Variants in PSD3 observed in about 807,000 individuals in gnomAD.
PSD3 encodes the protein pleckstrin and Sec7 domain containing 3.
PSD3 carries 49 observed loss-of-function variants against 105.5 expected under a neutral mutation model. The ratio of observed to expected loss-of-function variants is 0.46; its 90% CI spans 0.37 to 0.59. The LOEUF is 0.59. PSD3 is among the 20% of genes least tolerant of loss of function. PSD3 has a pLI of 0.00. For synonymous variants in PSD3, 557 were observed against 457.8 expected (o/e 1.22, Z -2.77); for missense variants, 1,561 against 1,263.8 (o/e 1.24, Z -3.57).
intron 9 of PSD3, among the ~76,000 whole-genome samples, chr8:18,705,250 A>G (rs1333169747): frequency 6.6e-6 from 1 of 152,218 alleles, no homozygotes; most frequent in African/African-American, 2.4e-5. Flanking sequence ...GGACTAGGCC[A>G]GGCGTGATGG....
intron 1 of PSD3, among the ~76,000 whole-genome samples, chr8:19,066,046 C>T (rs1018409574): frequency 1.3e-5 from 2 of 152,192 alleles, no homozygotes; most frequent in East Asian, 1.9e-4. Flanking sequence ...CACAGTAACA[C>T]AAAAACTCAC....
intron 1 of PSD3, among the ~76,000 whole-genome samples, chr8:18,984,800 G>A (rs551735828): frequency 2.0e-5 from 3 of 152,250 alleles, no homozygotes; most frequent in East Asian, 3.9e-4. Context: ...GGGGTAGTAC[G>A]GCCAAGCTGC....
chr8:18,679,856 G>T (rs938286028), intron 9 of PSD3, among the ~76,000 whole-genome samples: 2 of 152,126 alleles, frequency 1.3e-5, no homozygotes, highest in South Asian at 2.1e-4. Context: ...CTGAATAAAA[G>T]CTTTAAACGG....
At chr8:19,071,262 T>G (rs1330635397) in intron 1 of PSD3, among the ~76,000 whole-genome samples, 1 of 152,142 alleles carries the variant, frequency 6.6e-6, no homozygotes, top group Non-Finnish European at 1.5e-5. Flanking sequence ...GAGATGGGGT[T>G]TTGCCGTGTT....
chr8:18,685,332 C>CA (rs1800606685), intron 9 of PSD3, among the ~76,000 whole-genome samples: 1 of 152,104 alleles, frequency 6.6e-6, no homozygotes, highest in African/African-American at 2.4e-5. Flanking sequence ...CCTCTACTGT[C>CA]AACAGGCCCA....
intron 1 of PSD3, among the ~76,000 whole-genome samples, chr8:19,036,191 G>T (rs1412563922): frequency 1.3e-5 from 2 of 152,098 alleles, no homozygotes; most frequent in Non-Finnish European, 2.9e-5. Flanking sequence ...CACCCACCAG[G>T]AACTATTTTC....
At chr8:18,717,778 C>T (rs1802695702) in intron 9 of PSD3, among the ~76,000 whole-genome samples, 1 of 152,138 alleles carries the variant, frequency 6.6e-6, no homozygotes, top group Non-Finnish European at 1.5e-5. Flanking sequence ...TACAGCCTGC[C>T]TTGTAATTCT....
At position 18,531,960 on chromosome 8, in the gene PSD3, G is replaced by C. The variant is rs1327525738; in HGVS notation, c.*3783C>G. On this transcript the variant is annotated 3_prime_UTR_variant, in exon 16 of 16. Transcript: ENST00000327040. ...CAAACCTGCAAAGCTAAACTTCTGT[G>C]AATTCAGGATGCAACATGCTTAACT... The C allele has an allele frequency of 6.6e-6, 1 of 152,220 alleles. No individual in the cohort carries two copies. The highest frequency in any genetic ancestry group is 1.5e-5 in the Non-Finnish European group (1 of 68,046). The allele number at this position is 152,220 out of a possible 1,614,324, so 9.4% of individuals were successfully genotyped here. A position where few individuals can be genotyped will look rare whatever the true frequency, so the allele number is the denominator to read the frequency against.
chr8:18,872,229 C>T lies in PSD3; in HGVS notation c.635G>A (p.Ser212Asn). 2 of 1,614,178 alleles carry T rather than the reference C, an allele frequency of 1.2e-6. No individual in the cohort carries two copies. The highest frequency in any genetic ancestry group is 1.6e-4 in the Middle Eastern group (1 of 6,062). Reference sequence around the variant, plus strand: ...CAGCGCGGTGAGATCTTTCTGGATGCTCAAATAAAAACTTTCCTCCGTTGT... The same window carrying T: ...CAGCGCGGTGAGATCTTTCTGGATGTTCAAATAAAAACTTTCCTCCGTTGT... ...EVTTEESFYL[S>N]IQKDLTALLT... The change falls in exon 3 of 16, where the codon AGC (serine) becomes AAC (asparagine). Residue 212 changes from serine (S) to asparagine (N), a missense_variant. Coordinates refer to ENST00000327040, the MANE Select transcript of PSD3 (RefSeq NM_015310.4).
At chr8:18,581,420 G>C (rs1802809770) in intron 12 of PSD3, among the ~76,000 whole-genome samples, 5 of 152,104 alleles carry the variant, frequency 3.3e-5, no homozygotes, top group Admixed American at 2.6e-4. Context: ...ATAGGAGTGT[G>C]CTCTTACTTA....
At chr8:18,791,019 G>A (rs1438157092) in intron 8 of PSD3, among the ~76,000 whole-genome samples, 1 of 152,104 alleles carries the variant, frequency 6.6e-6, no homozygotes, top group Non-Finnish European at 1.5e-5. Flanking sequence ...GCTAACAAGG[G>A]AAATGAAGGA....
At chr8:18,793,587 A>G (rs1809950436) in intron 8 of PSD3, among the ~76,000 whole-genome samples, 1 of 152,330 alleles carries the variant, frequency 6.6e-6, no homozygotes, top group South Asian at 2.1e-4. Context: ...GAGGACTCCA[A>G]AGGAGAAGGC....
intron 8 of PSD3, among the ~76,000 whole-genome samples, chr8:18,769,402 G>A (rs973584716): frequency 3.3e-5 from 5 of 151,990 alleles, no homozygotes; most frequent in South Asian, 2.1e-4. Context: ...GTATAAAAAC[G>A]AAAATTTTTC....
At chr8:18,896,264 T>C (rs1239500241) in intron 2 of PSD3, among the ~76,000 whole-genome samples, 2 of 152,226 alleles carry the variant, frequency 1.3e-5, no homozygotes, top group Non-Finnish European at 2.9e-5. Context: ...TTGTGAATAG[T>C]ATTGCAATAA....
At chr8:18,871,046 C>T (rs1301522787) in intron 3 of PSD3, among the ~76,000 whole-genome samples, 1 of 152,152 alleles carries the variant, frequency 6.6e-6, no homozygotes, top group African/African-American at 2.4e-5. Flanking sequence ...CCGCAGTGAG[C>T]CGTGATCACA....
intron 1 of PSD3, among the ~76,000 whole-genome samples, chr8:18,990,067 C>G (rs1825708641): frequency 6.6e-6 from 1 of 152,212 alleles, no homozygotes; most frequent in African/African-American, 2.4e-5. Context: ...ATTTATCTTT[C>G]CACTTGTCTG....
intron 1 of PSD3, among the ~76,000 whole-genome samples, chr8:19,001,457 C>G (rs1826389485): frequency 6.6e-6 from 1 of 150,882 alleles, no homozygotes; most frequent in African/African-American, 2.5e-5. Context: ...TTGTTGCAGT[C>G]AATGCACCTA....
chr8:18,616,157 G>T (rs1299740002), intron 11 of PSD3, among the ~76,000 whole-genome samples: 3 of 152,226 alleles, frequency 2.0e-5, no homozygotes, highest in South Asian at 2.1e-4. Context: ...GCCAGAAAAC[G>T]GTCTGCTACA....
At chr8:18,652,665 T>C (rs1808599250) in intron 10 of PSD3, among the ~76,000 whole-genome samples, 4 of 151,846 alleles carry the variant, frequency 2.6e-5, no homozygotes, top group Admixed American at 2.0e-4. Flanking sequence ...GCCCAGCTAA[T>C]TTTTGTATTT....
Sources: gnomAD v4.1 joint callset for allele counts (sites outside exome capture counted in the v4.1 genomes callset) on GRCh38, gnomAD v4.1.1 for gene constraint, MANE v1.5 for transcripts, NCBI Gene and HGNC (gene_info 2026-07-23, HGNC 2026-07-21) for gene names.